The following MCTP1 variants were observed in gnomAD, a reference collection of about 807,000 sequenced individuals.
MCTP1 encodes the protein multiple C2 and transmembrane domain-containing protein 1.
A neutral mutation model predicts 120.6 loss-of-function variants in MCTP1; 69 were observed. That is an observed-to-expected ratio of 0.57 (90% CI 0.47 to 0.70). The LOEUF is 0.70. Among genes scored for constraint, MCTP1 ranks in the 30% least tolerant of loss-of-function variants. The pLI is 0.00. For missense variants in MCTP1, 1,203 were observed against 1,248.8 expected, an observed-to-expected ratio of 0.96 and a Z score of 0.55; for synonymous variants, 529 against 493.1, an observed-to-expected ratio of 1.07 and a Z score of -0.96.
chr5:95,272,460 C>T (rs1028436086), intron 1 of MCTP1, among the ~76,000 whole-genome samples: 1 of 152,094 alleles, frequency 6.6e-6, no homozygotes, highest in Non-Finnish European at 1.5e-5. Flanking sequence ...CCAAGTTATC[C>T]AAGTCATCCA....
At chr5:95,252,772 G>C (rs1228971724) in intron 1 of MCTP1, among the ~76,000 whole-genome samples, 1 of 151,896 alleles carries the variant, frequency 6.6e-6, no homozygotes, top group Non-Finnish European at 1.5e-5. Flanking sequence ...AGAATGTGTA[G>C]AGTCATATTC....
At chr5:94,865,661 A>ACTT (rs1796670744) in intron 17 of MCTP1, among the ~76,000 whole-genome samples, 1 of 151,896 alleles carries the variant, frequency 6.6e-6, no homozygotes, top group African/African-American at 2.4e-5. Context: ...TAAATATATA[A>ACTT]CTTAATATCT....
intron 2 of MCTP1, among the ~76,000 whole-genome samples, chr5:95,010,484 G>A (rs1835723071): frequency 6.6e-6 from 1 of 151,938 alleles, no homozygotes; most frequent in Non-Finnish European, 1.5e-5. Flanking sequence ...CTATCTAATC[G>A]AATGTTTAAC....
At chr5:94,733,156 C>T (rs1292201499) in intron 19 of MCTP1, among the ~76,000 whole-genome samples, 1 of 152,084 alleles carries the variant, frequency 6.6e-6, no homozygotes, top group Non-Finnish European at 1.5e-5. Context: ...TTCAAAGTTA[C>T]TATTTCAAAA....
At chr5:95,241,783 A>G (rs1756189815) in intron 1 of MCTP1, among the ~76,000 whole-genome samples, 1 of 152,208 alleles carries the variant, frequency 6.6e-6, no homozygotes, top group African/African-American at 2.4e-5. Flanking sequence ...CCTGGCAGCA[A>G]CATTCATCAA....
At position 94,706,578 on chromosome 5, in the gene MCTP1, G is replaced by GTGTTTTT. The variant is rs1554073995; in HGVS notation, c.*917_*918insAAAAACA. The GTGTTTTT allele has an allele frequency of 6.8e-6, 1 of 146,670 alleles. No individual in the cohort carries two copies. The highest frequency in any genetic ancestry group is 2.0e-4 in the East Asian group (1 of 4,984). 9.1% of individuals were successfully genotyped at this position (146,670 alleles called of 1,614,324 possible). On this transcript the variant is annotated 3_prime_UTR_variant, in exon 23 of 23. Coordinates refer to ENST00000515393, the MANE Select transcript of MCTP1 (RefSeq NM_024717.7). The stretch of plus-strand genomic sequence containing the variant: ...TTTCAGTAATCTAATGAGAAAGCAG[G>GTGTTTTT]TTTTTTTTTTCTCTGAGAGCACTTG...
chr5:95,205,340 T>A (rs1260953819), intron 1 of MCTP1, among the ~76,000 whole-genome samples: 1 of 151,982 alleles, frequency 6.6e-6, no homozygotes, highest in Non-Finnish European at 1.5e-5. Context: ...ATATAAAAAA[T>A]TAACTCAAAA....
At chr5:95,158,845 C>T (rs546457990) in intron 1 of MCTP1, among the ~76,000 whole-genome samples, 146 of 151,982 alleles carry the variant, frequency 9.6e-4, no homozygotes, top group African/African-American at 3.2e-3. Flanking sequence ...AGGCTTGAGC[C>T]GGGAGGCAGA....
At chr5:94,854,818 T>C (rs916853628) in intron 17 of MCTP1, among the ~76,000 whole-genome samples, 1 of 151,846 alleles carries the variant, frequency 6.6e-6, no homozygotes, top group Non-Finnish European at 1.5e-5. Flanking sequence ...TATTTTTTAA[T>C]TGGAAAGAGT....
chr5:95,125,572 C>T (rs956866035), intron 1 of MCTP1, among the ~76,000 whole-genome samples: 5 of 152,298 alleles, frequency 3.3e-5, no homozygotes, highest in Admixed American at 2.6e-4. Flanking sequence ...CACAAAGATG[C>T]TTTATGAAAT....
intron 3 of MCTP1, among the ~76,000 whole-genome samples, chr5:94,950,788 C>A (rs1242700359): frequency 1.3e-5 from 2 of 151,824 alleles, no homozygotes; most frequent in Non-Finnish European, 2.9e-5. Context: ...TCCTTCTCTA[C>A]TAAAAAATAC....
chr5:95,032,837 C>A (rs1448252096), intron 1 of MCTP1, among the ~76,000 whole-genome samples: 1 of 151,870 alleles, frequency 6.6e-6, no homozygotes, highest in Non-Finnish European at 1.5e-5. Flanking sequence ...GATAGACCAG[C>A]AGCTAGATTA....
intron 17 of MCTP1, among the ~76,000 whole-genome samples, chr5:94,857,600 T>G (rs1484769416): frequency 6.6e-6 from 1 of 151,730 alleles, no homozygotes; most frequent in Non-Finnish European, 1.5e-5. Flanking sequence ...TGATACAAAC[T>G]TTGAAGGACT....
rs770761781 is a variant in MCTP1 at position 94,912,825 on chromosome 5, T to C, written c.1502A>G (p.His501Arg). 84 of 1,577,694 alleles carry C rather than the reference T, an allele frequency of 5.3e-5. No individual in the cohort carries two copies. Among genetic ancestry groups the C allele is most frequent in the Non-Finnish European group, 6.5e-5 (76 of 1,163,578 alleles). The change falls in exon 9 of 23, where the codon CAT (histidine) becomes CGT (arginine). Residue 501 changes from histidine (H) to arginine (R), a missense_variant. This residue lies in a region of MCTP1 where 740 missense variants were observed against 871.1 expected (regional missense o/e 0.85). Coordinates refer to ENST00000515393, the MANE Select transcript of MCTP1 (RefSeq NM_024717.7). ...SDPYVKFRLG[H>R]QKYKSKIMPK... ...GGTTACCTTGCTCTTGTACTTCTGATGCCCAAGCCGGAACTTCACGTAGGG... is the reference window on the plus strand; with the variant it reads ...GGTTACCTTGCTCTTGTACTTCTGACGCCCAAGCCGGAACTTCACGTAGGG...
chr5:95,042,215 T>TAC (rs1470497536), intron 1 of MCTP1, among the ~76,000 whole-genome samples: 1 of 152,186 alleles, frequency 6.6e-6, no homozygotes, highest in Non-Finnish European at 1.5e-5. Context: ...TATTTATTTA[T>TAC]ACAACCAAAG....
chr5:94,808,413 G>C (rs933699832), intron 17 of MCTP1, among the ~76,000 whole-genome samples: 1 of 152,128 alleles, frequency 6.6e-6, no homozygotes, highest in Non-Finnish European at 1.5e-5. Context: ...CGGTAGCAGG[G>C]AATTGATGAC....
intron 1 of MCTP1, among the ~76,000 whole-genome samples, chr5:95,112,888 T>C (rs1308789823): frequency 6.6e-6 from 1 of 152,220 alleles, no homozygotes; most frequent in Non-Finnish European, 1.5e-5. Flanking sequence ...TTTTATGATA[T>C]TCACTTATTG....
At chr5:95,046,308 C>T (rs958909122) in intron 1 of MCTP1, among the ~76,000 whole-genome samples, 4 of 152,112 alleles carry the variant, frequency 2.6e-5, no homozygotes, top group Non-Finnish European at 4.4e-5. Context: ...AAACCTTGAA[C>T]AAAGCTATGG....
chr5:94,964,455 T>G (rs1034637657), intron 2 of MCTP1, among the ~76,000 whole-genome samples: 5 of 152,162 alleles, frequency 3.3e-5, no homozygotes, highest in Admixed American at 1.3e-4. Context: ...GGCATTGAAG[T>G]CCCCTACTAT....
Sources: allele counts gnomAD v4.1 joint callset (sites outside exome capture counted in the v4.1 genomes callset), GRCh38; gene constraint gnomAD v4.1.1; regional missense constraint gnomAD v4.1.1; transcripts MANE v1.5; gene names NCBI Gene and HGNC (gene_info 2026-07-23, HGNC 2026-07-21).